Variants in ROBO1 observed in about 807,000 individuals in gnomAD.
ROBO1 encodes roundabout guidance receptor 1, also known as roundabout homolog 1.
A neutral mutation model predicts 195.9 loss-of-function variants in ROBO1; 149 were observed. The observed-to-expected ratio is 0.76, with a 90% CI of 0.67 to 0.87. The LOEUF (loss-of-function observed/expected upper bound fraction) is 0.87, where lower values mean the gene tolerates loss of function less well. Ranked by LOEUF, ROBO1 falls within the 40% of genes least tolerant of loss-of-function variation. ROBO1 has a pLI of 0.00. For missense variants in ROBO1, 1,933 were observed against 2,068.3 expected (o/e 0.93, Z 1.27); for synonymous variants, 816 against 733.2 (o/e 1.11, Z -1.82).
At chr3:78,774,135 CT>C (rs780269199) in intron 4 of ROBO1, among the ~76,000 whole-genome samples, 1 of 152,118 alleles carries the variant, frequency 6.6e-6, no homozygotes, top group Non-Finnish European at 1.5e-5. Context: ...CCTCCAAGTC[CT>C]TTTCATTTAT....
Position 78,754,681 on chromosome 3 carries a change from G to C in ROBO1, c.500-7781C>G, listed in dbSNP as rs186553423. On this transcript the variant is annotated intron_variant, in intron 4 of 30. Transcript: ENST00000464233. ...TTGCATTGGCGGGAGTTCTATAGTT[G>C]TAGTGCTTGGGGTATAGGGAGGTAG... 9.3e-4 allele frequency among the ~76,000 whole-genome samples: 142 copies of C among 152,266 alleles called. 2 individuals are homozygous for C. The East Asian group carries it at 0.026, about 28-fold the overall frequency.
At chr3:78,859,421 A>G (rs2034649835) in intron 4 of ROBO1, among the ~76,000 whole-genome samples, 1 of 152,172 alleles carries the variant, frequency 6.6e-6, no homozygotes, top group Non-Finnish European at 1.5e-5. Flanking sequence ...GCACGTAGGC[A>G]CTCAAAAAGT....
At chr3:79,051,331 C>T (rs1238489917) in intron 3 of ROBO1, among the ~76,000 whole-genome samples, 2 of 152,268 alleles carry the variant, frequency 1.3e-5, no homozygotes, top group African/African-American at 2.4e-5. Context: ...TTCCTGGACA[C>T]ATACATCCTC....
At chr3:79,107,139 A>T (rs1427794544) in intron 3 of ROBO1, among the ~76,000 whole-genome samples, 1 of 150,502 alleles carries the variant, frequency 6.6e-6, no homozygotes, top group African/African-American at 2.5e-5. Context: ...ACACACACAC[A>T]CACACACACA....
At position 78,647,773 on chromosome 3, in the gene ROBO1, CA is replaced by C; in HGVS notation, c.2813-119del. 3 of 874,664 alleles carry C rather than the reference CA, an allele frequency of 3.4e-6. No homozygotes were observed. In the Admixed American group the frequency reaches 5.7e-5, roughly 17 times the overall value. 54.2% of individuals were successfully genotyped at this position (874,664 alleles called of 1,614,324 possible). A position where few individuals can be genotyped will look rare whatever the true frequency, so the allele number is the denominator to read the frequency against. On this transcript the variant is annotated intron_variant, in intron 19 of 30. Coordinates refer to ENST00000464233, the MANE Select transcript of ROBO1 (RefSeq NM_002941.4). ...ATAAAACAAATGTAAATAACTAAGC[CA>C]GTAGTTCTGACAATCTGATCTATGA...
At chr3:79,730,767 CCTTTT>C (rs1301220284) in intron 1 of ROBO1, among the ~76,000 whole-genome samples, 1 of 118,272 alleles carries the variant, frequency 8.5e-6, no homozygotes, top group Non-Finnish European at 1.7e-5. Flanking sequence ...TCCTGTATTT[CCTTTT>C]TTTTTTTTTT....
At position 78,717,658 on chromosome 3, in the gene ROBO1, C is replaced by A; in HGVS notation, c.778+105G>T. ...TCTTCTCTCCTCTTTCTACCCACCC[C>A]CTAAAAATATTTGGCTTAACAATTT... On this transcript the variant is annotated intron_variant, in intron 6 of 30. Transcript: ENST00000464233. The A allele has an allele frequency of 3.1e-6, 4 of 1,275,270 alleles. 1 individual carries two copies. Among genetic ancestry groups the A allele is most frequent in the Non-Finnish European group, 4.3e-6 (4 of 930,756 alleles). The allele number at this position is 1,275,270 out of a possible 1,614,324, so 79.0% of individuals were successfully genotyped here.
intron 2 of ROBO1, among the ~76,000 whole-genome samples, chr3:79,320,190 G>A (rs1204484310): frequency 2.0e-5 from 3 of 152,202 alleles, no homozygotes; most frequent in Non-Finnish European, 4.4e-5. Flanking sequence ...CCTCTTCTGA[G>A]TTGAAGACTG....
At chr3:79,329,569 T>TATCA (rs1243387550) in intron 2 of ROBO1, among the ~76,000 whole-genome samples, 1 of 152,238 alleles carries the variant, frequency 6.6e-6, no homozygotes, top group Non-Finnish European at 1.5e-5. Flanking sequence ...TTGTGGTATG[T>TATCA]ATCAAATAAC....
In ROBO1 at chr3:78,932,332, T is replaced by C. The variant is rs141408320; in HGVS notation, c.499+6269A>G. Among the ~76,000 whole-genome samples the C allele has an allele frequency of 6.8e-3, 1,031 of 152,322 alleles. 13 individuals carry two copies. Among genetic ancestry groups the C allele is most frequent in the African/African-American group, 0.024 (982 of 41,582 alleles). On this transcript the variant is annotated intron_variant, in intron 4 of 30. Transcript: ENST00000464233. ...ATTCTGGACGTCTCAAGAGGCTTTATATCTAAGTATCAACTAGTGTTGAAA... is the reference window on the plus strand; with the variant it reads ...ATTCTGGACGTCTCAAGAGGCTTTACATCTAAGTATCAACTAGTGTTGAAA...
At chr3:79,126,382 CACA>C (rs1451292648) in intron 2 of ROBO1, among the ~76,000 whole-genome samples, 5 of 152,132 alleles carry the variant, frequency 3.3e-5, no homozygotes, top group African/African-American at 1.2e-4. Context: ...GGAGGCTAAG[CACA>C]ACAACACTCC....
At chr3:79,253,081 T>C (rs778584420) in intron 2 of ROBO1, among the ~76,000 whole-genome samples, 3 of 152,138 alleles carry the variant, frequency 2.0e-5, no homozygotes, top group Non-Finnish European at 4.4e-5. Flanking sequence ...TGTGCAGAAA[T>C]ATACTTTTGT....
At position 78,755,738 on chromosome 3, in the gene ROBO1, T is replaced by C. The variant is rs186644398; in HGVS notation, c.500-8838A>G. ...CATTTTCAAGGTACAGGAGAATAGG[T>C]AGACAATATATAAGTAAATCCTTCT... On this transcript the variant is annotated intron_variant, in intron 4 of 30. Coordinates refer to ENST00000464233, the MANE Select transcript of ROBO1 (RefSeq NM_002941.4). Among the ~76,000 whole-genome samples, 189 of 152,248 alleles carry C rather than the reference T, an allele frequency of 1.2e-3. 4 individuals are homozygous for C. The highest frequency in any genetic ancestry group is 5.1e-3 in the Admixed American group (78 of 15,288).
intron 3 of ROBO1, among the ~76,000 whole-genome samples, chr3:79,002,225 A>AG (rs975910223): frequency 2.0e-5 from 3 of 152,110 alleles, no homozygotes; most frequent in Non-Finnish European, 4.4e-5. Context: ...GACAATATGA[A>AG]GGGGGATATG....
At chr3:79,701,095 TTTTA>T (rs1947610247) in intron 1 of ROBO1, among the ~76,000 whole-genome samples, 1 of 151,808 alleles carries the variant, frequency 6.6e-6, no homozygotes, top group African/African-American at 2.4e-5. Flanking sequence ...TTTACACATT[TTTTA>T]TTTTTGTCAA....
At chr3:78,842,181 ATATATT>A (rs1260675527) in intron 4 of ROBO1, among the ~76,000 whole-genome samples, 1 of 131,262 alleles carries the variant, frequency 7.6e-6, no homozygotes, top group Non-Finnish European at 1.6e-5. Flanking sequence ...TACTATATAT[ATATATT>A]TATATGAGCC....
intron 4 of ROBO1, among the ~76,000 whole-genome samples, chr3:78,827,184 T>A (rs1006029696): frequency 1.3e-5 from 2 of 152,178 alleles, no homozygotes; most frequent in African/African-American, 2.4e-5. Context: ...AAAGAACTTA[T>A]GTGAAATTGT....
chr3:79,545,061 AC>A lies in ROBO1; in HGVS notation c.88+44762del, dbSNP rs1484981256. Among the ~76,000 whole-genome samples the A allele has an allele frequency of 2.0e-5, 3 of 152,254 alleles. No individual in the cohort carries two copies. In the East Asian group the frequency reaches 5.8e-4, roughly 29 times the overall value. On this transcript the variant is annotated intron_variant, in intron 2 of 30. Transcript: ENST00000464233. Reference sequence around the variant, plus strand: ...TAATATTTTTTTACCTTACATAGATACTTAAATAGTATCCCTGTAAAAAATG... The same window carrying A: ...TAATATTTTTTTACCTTACATAGATATTAAATAGTATCCCTGTAAAAAATG...
intron 2 of ROBO1, among the ~76,000 whole-genome samples, chr3:79,417,438 A>T (rs1353639065): frequency 6.6e-6 from 1 of 152,108 alleles, no homozygotes; most frequent in South Asian, 2.1e-4. Context: ...TTAATGAAAG[A>T]CCCTGAGCCA....
Sources: allele counts gnomAD v4.1 joint callset (sites outside exome capture counted in the v4.1 genomes callset), GRCh38; gene constraint gnomAD v4.1.1; transcripts MANE v1.5; gene names NCBI Gene and HGNC (gene_info 2026-07-23, HGNC 2026-07-21).